Variants in TRIM22 observed in about 807,000 individuals in gnomAD.
TRIM22 encodes E3 ubiquitin-protein ligase TRIM22.
Under a neutral mutation model 53.6 loss-of-function variants are expected in TRIM22, and 45 were observed. The observed-to-expected ratio is 0.84, with a 90% confidence interval of 0.66 to 1.08. The LOEUF is 1.08. Among genes scored for constraint, TRIM22 ranks in the 50% least tolerant of loss-of-function variants. The pLI is 0.00. For missense variants in TRIM22, 616 were observed against 590.9 expected (o/e 1.04, Z -0.44); for synonymous variants, 225 against 216.6 (o/e 1.04, Z -0.34).
intron 1 of TRIM22, among the ~76,000 whole-genome samples, chr11:5,692,446 G>A (rs1280177080): frequency 6.6e-6 from 1 of 152,204 alleles, no homozygotes; most frequent in Non-Finnish European, 1.5e-5. Flanking sequence ...ATATTGACCA[G>A]AGAGTTAGAA....
At chr11:5,698,222 G>A (rs1853301291) in intron 3 of TRIM22, 93 bp from the exon 4 acceptor site, 4 of 1,026,054 alleles carry the variant, frequency 3.9e-6, no homozygotes, top group Middle Eastern at 2.2e-4. Flanking sequence ...AGAACTCCCT[G>A]AGGAAAACTG....
chr11:5,696,089 G>C (rs1853254359), intron 1 of TRIM22, 78 bp from the exon 2 acceptor site: 4 of 660,540 alleles, frequency 6.1e-6, no homozygotes, highest in Non-Finnish European at 1.0e-5. Context: ...TTAATGTTTT[G>C]TCCTGTTCTA....
intron 4 of TRIM22, among the ~76,000 whole-genome samples, chr11:5,698,877 T>C (rs567144663): frequency 2.6e-5 from 4 of 152,326 alleles, no homozygotes; most frequent in African/African-American, 9.6e-5. Context: ...TCAATATCTG[T>C]TTCTACCTCC....
chr11:5,698,853 A>G (rs764769379), intron 4 of TRIM22, among the ~76,000 whole-genome samples: 6 of 152,120 alleles, frequency 3.9e-5, no homozygotes, highest in Non-Finnish European at 5.9e-5. Flanking sequence ...AACATTTCTC[A>G]TGCCTGTTTG....
At chr11:5,691,400 G>T (rs1853170582) in intron 1 of TRIM22, among the ~76,000 whole-genome samples, 1 of 152,190 alleles carries the variant, frequency 6.6e-6, no homozygotes, top group Non-Finnish European at 1.5e-5. Flanking sequence ...TTTTCACAGT[G>T]CTTTTCTATA....
chr11:5,704,761 T>A (rs1166577455), intron 4 of TRIM22, among the ~76,000 whole-genome samples: 1 of 152,206 alleles, frequency 6.6e-6, no homozygotes, highest in Non-Finnish European at 1.5e-5. Flanking sequence ...GTTTTATATC[T>A]TTAGGTCTTT....
Position 5,698,444 on chromosome 11 carries a change from G to C in TRIM22, c.649G>C (p.Ala217Pro). The change falls in exon 4 of 8, where the codon GCA becomes CCA. Residue 217 changes from alanine (A) to proline (P), a missense_variant. Coordinates refer to ENST00000379965, the MANE Select transcript of TRIM22 (RefSeq NM_006074.5). ...TGAGGTGAATGTGCTGGATAACCTG[G>C]CAGCAGCTACAGACCAGCTGGTCCA... ...EGEVNVLDNL[A>P]AATDQLVQQR... is the part of the protein sequence containing the mutation. 1.2e-6 allele frequency: 2 copies of C among 1,614,140 alleles called. No homozygotes were observed. Among genetic ancestry groups the C allele is most frequent in the Non-Finnish European group, 1.7e-6 (2 of 1,180,010 alleles).
intron 6 of TRIM22, 116 bp from the exon 7 acceptor site, chr11:5,708,460 CA>C: frequency 9.3e-7 from 1 of 1,078,376 alleles, no homozygotes; most frequent in Non-Finnish European, 1.4e-6. Context: ...TCCTCTCATT[CA>C]CCAGTGCAAA....
chr11:5,698,781 G>C (rs1448217692), intron 4 of TRIM22, among the ~76,000 whole-genome samples: 2 of 152,168 alleles, frequency 1.3e-5, no homozygotes, highest in African/African-American at 4.8e-5. Flanking sequence ...AAAAATTTGA[G>C]CTTGGAGAGG....
At chr11:5,693,923 C>T (rs910443396) in intron 1 of TRIM22, among the ~76,000 whole-genome samples, 2 of 152,182 alleles carry the variant, frequency 1.3e-5, no homozygotes, top group African/African-American at 2.4e-5. Flanking sequence ...TGAAGGAGGC[C>T]TCTGGTCCAT....
In TRIM22 at chr11:5,708,162, G is replaced by A. The variant is rs1242463989; in HGVS notation, c.774-11G>A. Reference sequence around the variant, plus strand: ...AAAGGTGTAAAGGTTATCAATTTTTGTTATCACTAGGAGTGAAAGCTGGAC... The same window carrying A: ...AAAGGTGTAAAGGTTATCAATTTTTATTATCACTAGGAGTGAAAGCTGGAC... On this transcript the variant is annotated splice_polypyrimidine_tract_variant and intron_variant, in intron 5 of 7. Coordinates refer to ENST00000379965, the MANE Select transcript of TRIM22 (RefSeq NM_006074.5). 1.2e-6 allele frequency: 2 copies of A among 1,605,402 alleles called. No homozygotes were observed. Among genetic ancestry groups the A allele is most frequent in the Non-Finnish European group, 8.5e-7 (1 of 1,172,236 alleles).
chr11:5,706,153 A>G (rs76691094), intron 4 of TRIM22, among the ~76,000 whole-genome samples: 2 of 152,224 alleles, frequency 1.3e-5, no homozygotes, highest in Non-Finnish European at 2.9e-5. Flanking sequence ...GTATAAAAAT[A>G]TTAGAGCTCC....
intron 4 of TRIM22, among the ~76,000 whole-genome samples, chr11:5,704,345 G>T (rs1051237001): frequency 6.6e-6 from 1 of 151,816 alleles, no homozygotes; most frequent in East Asian, 1.9e-4. Context: ...CTTGATTTTA[G>T]GAGGAAGTAA....
rs1449935634 is a variant in TRIM22, at chr11:5,709,969, C to G, written c.*321C>G. On this transcript the variant is annotated 3_prime_UTR_variant, in exon 8 of 8. Transcript: ENST00000379965. The stretch of plus-strand genomic sequence containing the variant: ...TGTAGAAGGCATCTTGTCCCTATGA[C>G]TCTTCACATTGTCTTTATGTACATC... The G allele has an allele frequency of 3.5e-6, 1 of 287,220 alleles. No individual in the cohort carries two copies. Among genetic ancestry groups the G allele is most frequent in the Non-Finnish European group, 6.5e-6 (1 of 153,372 alleles). The allele number at this position is 287,220 out of a possible 1,614,324, so 17.8% of individuals were successfully genotyped here.
At chr11:5,697,699 T>TTTG (rs1853290424) in intron 3 of TRIM22, 5 of 188,458 alleles carry the variant, frequency 2.7e-5, no homozygotes, top group African/African-American at 4.7e-5. Flanking sequence ...AGGGGGATTT[T>TTTG]TTTGTTTGTT....
rs200638791 is a variant in TRIM22 at position 5,709,601 on chromosome 11, C to T, written c.1450C>T (p.Pro484Ser). 1,635 of 1,611,710 alleles carry T rather than the reference C, an allele frequency of 1.0e-3. 1 individual carries two copies. The highest frequency in any genetic ancestry group is 1.2e-3 in the Non-Finnish European group (1,444 of 1,180,016). Reference sequence around the variant, plus strand: ...TCGACCTGCTTATCCGTATTTCAATCCTTGGAACTGCCTAGTCCCCATGAC... The same window carrying T: ...TCGACCTGCTTATCCGTATTTCAATTCTTGGAACTGCCTAGTCCCCATGAC... Reference protein sequence around the residue: ...FSRPAYPYFNPWNCLVPMTVC... With the variant: ...FSRPAYPYFNSWNCLVPMTVC... Residue 484 changes from proline (P) to serine (S), a missense_variant, in exon 8 of 8, where the codon CCT becomes TCT. Transcript: ENST00000379965.
intron 5 of TRIM22, among the ~76,000 whole-genome samples, chr11:5,707,091 G>T (rs748360687): frequency 1.4e-4 from 21 of 152,058 alleles, no homozygotes; most frequent in Non-Finnish European, 3.1e-4. Flanking sequence ...TAGTGGCTTT[G>T]GTCCTGGTGC....
chr11:5,695,351 C>G (rs987600853), intron 1 of TRIM22, among the ~76,000 whole-genome samples: 2 of 151,946 alleles, frequency 1.3e-5, no homozygotes, highest in Non-Finnish European at 2.9e-5. Context: ...AGTGCAAAAG[C>G]CTTGAGGAGC....
At position 5,709,270 on chromosome 11, in the gene TRIM22, T is replaced by A; in HGVS notation, c.1119T>A (p.Ser373Arg). 6.2e-7 allele frequency: 1 copy of A among 1,614,126 alleles called. No individual in the cohort carries two copies. The highest frequency in any genetic ancestry group is 8.5e-7 in the Non-Finnish European group (1 of 1,180,010). ...TTGCCTGGATCCTGGGCGTACACAG[T>A]AAAATAAGTAGTCTGAATAAAAGGA... ...GKIAWILGVH[S>R]KISSLNKRKS... Residue 373 changes from serine (S) to arginine (R), a missense_variant, in exon 8 of 8, where the codon AGT becomes AGA. Transcript: ENST00000379965.
Sources: gnomAD v4.1 joint callset for allele counts (sites outside exome capture counted in the v4.1 genomes callset) on GRCh38, gnomAD v4.1.1 for gene constraint, MANE v1.5 for transcripts, NCBI Gene and HGNC (gene_info 2026-07-23, HGNC 2026-07-21) for gene names.